BTD: variants seen among roughly 807,000 people sequenced by gnomAD.
The protein encoded by BTD is biotinidase, also known as biocytinase.
A neutral mutation model predicts 17.7 loss-of-function variants in BTD; 13 were observed. The ratio of observed to expected loss-of-function variants is 0.74; its 90% CI spans 0.48 to 1.17. The LOEUF (loss-of-function observed/expected upper bound fraction) is 1.17. BTD is among the 50% of genes most tolerant of loss of function. The probability of loss-of-function intolerance (pLI) is 0.00; values close to 1 mark genes in which losing one functional copy is unlikely to be tolerated. For missense variants in BTD, 674 were observed against 650.4 expected (o/e 1.04, Z -0.39); for synonymous variants, 240 against 245.2 (o/e 0.98, Z 0.20).
At chr3:15,696,308 A>G in intron 3 of BTD, 1 of 1,075,794 alleles carries the variant, frequency 9.3e-7, no homozygotes, top group Non-Finnish European at 1.3e-6. Flanking sequence ...AATGATAAAA[A>G]GAGACTGAAA....
intron 3 of BTD, among the ~76,000 whole-genome samples, chr3:15,695,590 T>G (rs1156419423): frequency 6.6e-6 from 1 of 152,180 alleles, no homozygotes; most frequent in African/African-American, 2.4e-5. Context: ...ATCTTTAACC[T>G]AAAGTATCTG....
intron 1 of BTD, among the ~76,000 whole-genome samples, chr3:15,626,593 A>G (rs1281607852): frequency 6.6e-6 from 1 of 152,068 alleles, no homozygotes; most frequent in East Asian, 1.9e-4. Context: ...CCTGAGTCAC[A>G]TAGCAAGACC....
chr3:15,700,709 G>C (rs2070450569), intron 3 of BTD, among the ~76,000 whole-genome samples: 1 of 152,168 alleles, frequency 6.6e-6, no homozygotes, highest in African/African-American at 2.4e-5. Flanking sequence ...AGGAGGCGGA[G>C]GTTGCAGTGA....
intron 1 of BTD, among the ~76,000 whole-genome samples, chr3:15,628,946 A>G (rs931979416): frequency 1.3e-5 from 2 of 152,236 alleles, no homozygotes; most frequent in Non-Finnish European, 2.9e-5. Flanking sequence ...GTAAAAACCA[A>G]TAACAACCTG....
At chr3:15,618,484 T>C (rs2064854109) in intron 1 of BTD, among the ~76,000 whole-genome samples, 1 of 152,204 alleles carries the variant, frequency 6.6e-6, no homozygotes, top group South Asian at 2.1e-4. Context: ...CCTAAATATT[T>C]CATATGTAGG....
At chr3:15,621,948 G>A (rs1404588305) in intron 1 of BTD, among the ~76,000 whole-genome samples, 2 of 152,176 alleles carry the variant, frequency 1.3e-5, no homozygotes, top group African/African-American at 4.8e-5. Context: ...GGGGCATAAA[G>A]TTGTTTATAA....
At chr3:15,718,296 T>C (rs1487223270) in intron 4 of BTD, among the ~76,000 whole-genome samples, 2 of 152,222 alleles carry the variant, frequency 1.3e-5, no homozygotes, top group African/African-American at 2.4e-5. Context: ...AAGATGACTT[T>C]CGTGAAATCT....
In BTD at chr3:15,649,542, G is replaced by C. The variant is rs890146246; in HGVS notation, c.*4054G>C. ...TTCCTCAGGCCAAAGTTCACATTCT[G>C]CACAGCCTCAGCTCCGCCTGACCTC... is the stretch of plus-strand genomic sequence containing the variant. On this transcript the variant is annotated 3_prime_UTR_variant, in exon 4 of 4. Coordinates refer to ENST00000643237, the MANE Select transcript of BTD (RefSeq NM_001370658.1). Among the ~76,000 whole-genome samples the C allele has an allele frequency of 6.6e-6, 1 of 152,170 alleles. No homozygotes were observed. Among genetic ancestry groups the C allele is most frequent in the Non-Finnish European group, 1.5e-5 (1 of 68,032 alleles).
At chr3:15,706,852 AT>A (rs1553601940) in intron 3 of BTD, among the ~76,000 whole-genome samples, 2 of 152,040 alleles carry the variant, frequency 1.3e-5, no homozygotes, top group Non-Finnish European at 2.9e-5. Flanking sequence ...GATGATGAGC[AT>A]TTTTTCATGT....
In BTD at chr3:15,611,379, GGTCCT is replaced by G. The variant is rs370817279; in HGVS notation, c.-17+9486_-17+9490del. Among the ~76,000 whole-genome samples the G allele has an allele frequency of 4.5e-3, 684 of 152,064 alleles. 7 individuals are homozygous for G. The highest frequency in any genetic ancestry group is 0.015 in the South Asian group (74 of 4,802). On this transcript the variant is annotated intron_variant, in intron 1 of 3. Coordinates refer to ENST00000643237, the MANE Select transcript of BTD (RefSeq NM_001370658.1). Reference sequence around the variant, plus strand: ...TAGGCCCAGAAAGAGAGGGATCCTGGGTCCTACATGACTCTTGCCTTTGTCAGGTT... The same window carrying G: ...TAGGCCCAGAAAGAGAGGGATCCTGGACATGACTCTTGCCTTTGTCAGGTT...
At chr3:15,707,945 G>A in intron 3 of BTD, 3 of 1,613,302 alleles carry the variant, frequency 1.9e-6, no homozygotes, top group Non-Finnish European at 2.5e-6. Flanking sequence ...GTCTGATGTA[G>A]CTGCATAGTG....
chr3:15,690,022 C>T (rs1338189660), intron 3 of BTD: 1 of 1,604,862 alleles, frequency 6.2e-7, no homozygotes, highest in Non-Finnish European at 8.5e-7. Context: ...GGCATACCTG[C>T]TGCATGAATA....
downstream of BTD, among the ~76,000 whole-genome samples, chr3:15,658,312 G>A (rs576834691): frequency 3.9e-5 from 6 of 152,324 alleles, no homozygotes; most frequent in South Asian, 2.1e-4. Context: ...CCTGTTCTGC[G>A]TGGAACATGT....
At chr3:15,720,145 G>A (rs2073545040) in intron 4 of BTD, among the ~76,000 whole-genome samples, 1 of 152,068 alleles carries the variant, frequency 6.6e-6, no homozygotes, top group African/African-American at 2.4e-5. Flanking sequence ...ATTACAGGTA[G>A]GAGCCACTAT....
intron 3 of BTD, chr3:15,679,511 C>T (rs377505683): frequency 3.9e-5 from 63 of 1,613,646 alleles, no homozygotes; most frequent in South Asian, 6.6e-5. Flanking sequence ...CATTTCCTTC[C>T]GTTTTCTGGA....
chr3:15,642,177 A>C, intron 3 of BTD, 120 bp downstream of exon 3: 1 of 1,530,674 alleles, frequency 6.5e-7, no homozygotes, highest in Non-Finnish European at 8.8e-7. Context: ...CCAAAATCCA[A>C]CCCAAACTCC....
chr3:15,720,901 A>T, intron 4 of BTD: 2 of 1,609,842 alleles, frequency 1.2e-6, no homozygotes, highest in South Asian at 1.1e-5. Flanking sequence ...ATAGATTCTG[A>T]TTTTGTTCCT....
intron 4 of BTD, among the ~76,000 whole-genome samples, chr3:15,719,169 TTTTGTCCTG>T (rs2073416184): frequency 2.0e-5 from 3 of 152,186 alleles, no homozygotes; most frequent in Admixed American, 2.0e-4. Context: ...TATGTATACA[TTTTGTCCTG>T]TAGTTGAGAG....
intron 3 of BTD, chr3:15,690,259 T>C (rs2068620580): frequency 6.8e-7 from 1 of 1,465,998 alleles, no homozygotes; most frequent in Non-Finnish European, 9.2e-7. Flanking sequence ...AACATACATA[T>C]TTAGACTGAC....
Sources: allele counts gnomAD v4.1 joint callset (sites outside exome capture counted in the v4.1 genomes callset), GRCh38; gene constraint gnomAD v4.1.1; transcripts MANE v1.5; gene names NCBI Gene and HGNC (gene_info 2026-07-23, HGNC 2026-07-21).